The following PDE11A variants were observed in gnomAD, a reference collection of about 807,000 sequenced individuals.
PDE11A encodes dual 3',5'-cyclic-AMP and -GMP phosphodiesterase 11A.
In PDE11A, 100 loss-of-function variants were observed where a neutral mutation model predicts 100.5. The observed-to-expected ratio is 1.00, with a 90% CI of 0.85 to 1.18. The LOEUF is 1.18. Ranked by LOEUF, PDE11A falls within the 50% of genes most tolerant of loss-of-function variation. PDE11A has a pLI of 0.00. For missense variants in PDE11A, 1,141 were observed against 1,152.6 expected (o/e 0.99, Z 0.15); for synonymous variants, 381 against 420.8 (o/e 0.91, Z 1.16).
intron 4 of PDE11A, among the ~76,000 whole-genome samples, chr2:177,886,532 C>T (rs1230453787): frequency 1.3e-5 from 2 of 152,030 alleles, no homozygotes; most frequent in African/African-American, 4.8e-5. Context: ...TCCCTTATTC[C>T]CTTCAAATAT....
At chr2:177,961,954 G>A (rs545094395) in intron 2 of PDE11A, among the ~76,000 whole-genome samples, 2 of 150,294 alleles carry the variant, frequency 1.3e-5, no homozygotes, top group African/African-American at 2.5e-5. Flanking sequence ...CTACTCGGGA[G>A]GCTGAGGCAT....
intron 1 of PDE11A, among the ~76,000 whole-genome samples, chr2:178,063,473 G>C (rs1410473616): frequency 2.0e-5 from 3 of 152,182 alleles, no homozygotes; most frequent in African/African-American, 7.2e-5. Context: ...CATAGGGAAA[G>C]GCCAGGGTCA....
At chr2:177,643,026 G>A (rs1418537692) in intron 19 of PDE11A, among the ~76,000 whole-genome samples, 1 of 152,084 alleles carries the variant, frequency 6.6e-6, no homozygotes, top group Admixed American at 6.5e-5. Flanking sequence ...CTCCCCAGCC[G>A]CATGGAACTG....
chr2:177,686,815 T>C (rs1370820512), intron 15 of PDE11A: 1 of 151,278 alleles, frequency 6.6e-6, no homozygotes, highest in African/African-American at 2.4e-5. Context: ...GTTCAAGTGA[T>C]TCTCCTGCCT....
intron 5 of PDE11A, among the ~76,000 whole-genome samples, chr2:177,852,574 A>AG (rs2083733355): frequency 6.6e-6 from 1 of 152,104 alleles, no homozygotes; most frequent in Admixed American, 6.5e-5. Context: ...TCTTTTAATT[A>AG]GGAGATTAGG....
intron 2 of PDE11A, chr2:177,997,777 C>T: frequency 7.5e-7 from 1 of 1,334,846 alleles, no homozygotes; most frequent in Non-Finnish European, 1.1e-6. Context: ...TTCTTCATCA[C>T]CAGCATTCCC....
intron 11 of PDE11A, 100 bp downstream of exon 11, chr2:177,727,926 G>T: frequency 8.8e-7 from 1 of 1,130,754 alleles, no homozygotes; most frequent in Non-Finnish European, 1.3e-6. Flanking sequence ...GCAGGGCAGG[G>T]ATTATCATCC....
At position 177,967,320 on chromosome 2, in the gene PDE11A, C is replaced by T. The variant is rs764494023; in HGVS notation, c.1071+46982G>A. ...CAAGTGATTCTCCTGCCTCAGCCTC[C>T]CAAGTAGTTGGGATTACAAGCATGT... is the stretch of plus-strand genomic sequence containing the variant. On this transcript the variant is annotated intron_variant, in intron 2 of 19. Transcript: ENST00000286063. Among the ~76,000 whole-genome samples, 3 of 151,398 alleles carry T rather than the reference C, an allele frequency of 2.0e-5. No homozygotes were observed. In the East Asian group the frequency reaches 5.8e-4, roughly 29 times the overall value.
chr2:178,058,385 T>C (rs1160276295), intron 1 of PDE11A, among the ~76,000 whole-genome samples: 1 of 152,194 alleles, frequency 6.6e-6, no homozygotes, highest in Non-Finnish European at 1.5e-5. Context: ...CTTTCCTGTG[T>C]TGTTCTCATG....
intron 9 of PDE11A, among the ~76,000 whole-genome samples, chr2:177,786,443 C>T (rs2082539006): frequency 6.6e-6 from 1 of 152,044 alleles, no homozygotes; most frequent in Non-Finnish European, 1.5e-5. Context: ...GGGGAAAAAA[C>T]AGAGCAGAAA....
intron 2 of PDE11A, among the ~76,000 whole-genome samples, chr2:177,960,685 G>A (rs1404627574): frequency 1.3e-5 from 2 of 152,044 alleles, no homozygotes; most frequent in African/African-American, 4.8e-5. Flanking sequence ...TGAAGCACAT[G>A]AAAACAAATC....
chr2:177,818,656 T>A (rs1298936143), intron 7 of PDE11A, among the ~76,000 whole-genome samples: 1 of 152,118 alleles, frequency 6.6e-6, no homozygotes, highest in African/African-American at 2.4e-5. Context: ...CAGTTAACCT[T>A]CAAAGCAAAG....
intron 6 of PDE11A, among the ~76,000 whole-genome samples, chr2:177,835,011 G>A (rs879923776): frequency 6.6e-6 from 1 of 152,004 alleles, no homozygotes; most frequent in East Asian, 1.9e-4. Context: ...AGTCTGTCAA[G>A]GTCTAAGGAA....
chr2:177,668,053 T>C (rs773420644), intron 18 of PDE11A, among the ~76,000 whole-genome samples: 3 of 152,184 alleles, frequency 2.0e-5, no homozygotes, highest in Non-Finnish European at 2.9e-5. Flanking sequence ...CCTGAGGAGA[T>C]GGTCATCAGT....
rs192054613 is a variant in PDE11A at position 177,962,480 on chromosome 2, A to C, written c.1071+51822T>G. On this transcript the variant is annotated intron_variant, in intron 2 of 19. Transcript: ENST00000286063. ...TATAAAATATATTATAAATAAAGGA[A>C]AACATCGCTATTAATAGTAACAGTG... 1.6e-3 allele frequency among the ~76,000 whole-genome samples: 238 copies of C among 152,246 alleles called. 2 individuals are homozygous for C. The highest frequency in any genetic ancestry group is 2.5e-3 in the Non-Finnish European group (168 of 68,010).
rs374010782 is a variant in PDE11A, at chr2:178,071,727, G to A, written c.711C>T (p.Arg237=). ...CCCCTTCCACCAGGAAAAGAGAGCAGCGGTCAGCATCCACCATAAGGCAGA... is the reference window on the plus strand; with the variant it reads ...CCCCTTCCACCAGGAAAAGAGAGCAACGGTCAGCATCCACCATAAGGCAGA... ...IFVCLMVDAD[R]CSLFLVEGAA... is the part of the protein sequence containing the mutation. The change falls in exon 1 of 20, where the codon CGC becomes CGT. Residue 237 remains arginine, a synonymous_variant. Coordinates refer to ENST00000286063, the MANE Select transcript of PDE11A (RefSeq NM_016953.4). 7.4e-6 allele frequency: 12 copies of A among 1,614,164 alleles called. No individual in the cohort carries two copies. In the African/African-American group the frequency reaches 1.5e-4, roughly 20 times the overall value.
Position 178,071,834 on chromosome 2 carries a change from G to T in PDE11A, c.604C>A (p.Arg202Ser), listed in dbSNP as rs77063376. The change falls in exon 1 of 20, where the codon CGT becomes AGT. Residue 202 changes from arginine to serine, a missense_variant. Coordinates refer to ENST00000286063, the MANE Select transcript of PDE11A (RefSeq NM_016953.4). ...YKCHLKKHNE[R>S]QFFLELVKDI... ...TTGACCAATTCCAGAAAGAACTGAC[G>T]CTCATTATGCTTTTTCAGATGGCAC... 22 of 1,613,948 alleles carry T rather than the reference G, an allele frequency of 1.4e-5. No individual in the cohort carries two copies. Among genetic ancestry groups the T allele is most frequent in the Non-Finnish European group, 1.7e-5 (20 of 1,179,828 alleles).
At chr2:177,861,755 A>T (rs991995807) in intron 5 of PDE11A, among the ~76,000 whole-genome samples, 5 of 151,974 alleles carry the variant, frequency 3.3e-5, no homozygotes, top group Admixed American at 6.6e-5. Context: ...TGAGAGTCTC[A>T]TAAACCTATA....
At position 177,732,877 on chromosome 2, in the gene PDE11A, G is replaced by C. The variant is rs537905110; in HGVS notation, c.1789-4705C>G. ...TGAAAGAAAGTTCCAAGCCTTTCAA[G>C]AATGACCATTTTCAGCTATTTTGAG... On this transcript the variant is annotated intron_variant, in intron 10 of 19. Coordinates refer to ENST00000286063, the MANE Select transcript of PDE11A (RefSeq NM_016953.4). Among the ~76,000 whole-genome samples, 408 of 152,208 alleles carry C rather than the reference G, an allele frequency of 2.7e-3. 1 individual carries two copies. The highest frequency in any genetic ancestry group is 4.6e-3 in the Non-Finnish European group (314 of 67,998).
Sources: allele counts gnomAD v4.1 joint callset (sites outside exome capture counted in the v4.1 genomes callset), GRCh38; gene constraint gnomAD v4.1.1; transcripts MANE v1.5; gene names NCBI Gene and HGNC (gene_info 2026-07-23, HGNC 2026-07-21).